The following PRRC2C variants were observed in gnomAD, a reference collection of about 807,000 sequenced individuals.
PRRC2C encodes proline rich coiled-coil 2C.
In PRRC2C, 72 loss-of-function variants were observed where a neutral mutation model predicts 317.2. The observed-to-expected ratio is 0.23, with a 90% CI of 0.19 to 0.28. The LOEUF (loss-of-function observed/expected upper bound fraction) is 0.28, where lower values mean the gene tolerates loss of function less well. PRRC2C is among the 10% of genes least tolerant of loss of function. The pLI is 1.00. For missense variants in PRRC2C, 3,074 were observed against 3,459.7 expected, an observed-to-expected ratio of 0.89 and a Z score of 2.80; for synonymous variants, 1,296 against 1,205.9, an observed-to-expected ratio of 1.07 and a Z score of -1.55.
chr1:171,487,936 C>A (rs1020896008), intron 1 of PRRC2C, among the ~76,000 whole-genome samples: 1 of 152,114 alleles, frequency 6.6e-6, no homozygotes, highest in African/African-American at 2.4e-5. Flanking sequence ...TGCTTCTTAG[C>A]GATTTCTTTA....
intron 24 of PRRC2C, among the ~76,000 whole-genome samples, chr1:171,573,673 CTTTTTTTTTTTTTT>C (rs1024285954): frequency 5.8e-5 from 5 of 85,810 alleles, no homozygotes; most frequent in Non-Finnish European, 8.3e-5. Flanking sequence ...TCTCAAAATT[CTTTTTTTTTTTTTT>C]TTTTTTTTTG....
At chr1:171,571,694 A>T (rs1385530877) in intron 24 of PRRC2C, among the ~76,000 whole-genome samples, 1 of 152,162 alleles carries the variant, frequency 6.6e-6, no homozygotes, top group East Asian at 1.9e-4. Flanking sequence ...GTTTGTGTTA[A>T]GTTCCTCCCA....
chr1:171,577,327 G>A lies in PRRC2C; in HGVS notation c.6956-107G>A, dbSNP rs1018333642. Reference sequence around the variant, plus strand: ...TTGGCCTGAAGCAGTATATAAGTACGTGATGGGTAGAAACATTAATTTTGC... The same window carrying A: ...TTGGCCTGAAGCAGTATATAAGTACATGATGGGTAGAAACATTAATTTTGC... On this transcript the variant is annotated intron_variant, in intron 25 of 34. Coordinates refer to ENST00000647382, the MANE Select transcript of PRRC2C (RefSeq NM_001387844.1). The A allele has an allele frequency of 4.2e-5, 40 of 950,886 alleles. No individual in the cohort carries two copies. In the South Asian group the frequency reaches 4.8e-4, roughly 11 times the overall value. The allele number at this position is 950,886 out of a possible 1,614,324, so 58.9% of individuals were successfully genotyped here.
chr1:171,584,278 A>G, intron 29 of PRRC2C, 91 bp downstream of exon 29: 1 of 1,383,242 alleles, frequency 7.2e-7, no homozygotes, highest in Non-Finnish European at 9.9e-7. Context: ...AACATGTTAG[A>G]AGATGCAATG....
At chr1:171,590,592 T>C (rs894796053) in intron 34 of PRRC2C, among the ~76,000 whole-genome samples, 1 of 152,216 alleles carries the variant, frequency 6.6e-6, no homozygotes, top group Non-Finnish European at 1.5e-5. Flanking sequence ...GATTAAAGTG[T>C]CTTTTTGGGT....
chr1:171,555,231 C>G (rs1230882928), intron 18 of PRRC2C, among the ~76,000 whole-genome samples: 1 of 152,180 alleles, frequency 6.6e-6, no homozygotes. Context: ...GTCACTGATA[C>G]ACTTTCTTCC....
chr1:171,505,474 T>C (rs947724159), intron 1 of PRRC2C, among the ~76,000 whole-genome samples: 5 of 152,348 alleles, frequency 3.3e-5, no homozygotes, highest in South Asian at 4.1e-4. Context: ...TTTTAAGATA[T>C]CAGATTTTCT....
chr1:171,590,758 T>TTC (rs1558066172), intron 34 of PRRC2C, among the ~76,000 whole-genome samples: 2 of 152,326 alleles, frequency 1.3e-5, no homozygotes, highest in East Asian at 3.9e-4. Flanking sequence ...GTAAAAATCT[T>TTC]AGGAAGTTAT....
In PRRC2C at chr1:171,542,603, G is replaced by A. The variant is rs144404266; in HGVS notation, c.4763+374G>A. Among the ~76,000 whole-genome samples the A allele has an allele frequency of 2.2e-3, 337 of 152,276 alleles. 1 individual carries two copies. The highest frequency in any genetic ancestry group is 7.8e-3 in the African/African-American group (326 of 41,542). ...CTAATGCTACACAGGTGTCCTCTGA[G>A]ATTTAAATTAATGTTATAACCATAT... On this transcript the variant is annotated intron_variant, in intron 16 of 34. Transcript: ENST00000647382.
chr1:171,490,933 GT>G (rs1294485484), intron 1 of PRRC2C, among the ~76,000 whole-genome samples: 2 of 152,248 alleles, frequency 1.3e-5, no homozygotes, highest in East Asian at 3.9e-4. Context: ...CCTGGCTTAA[GT>G]TTTAAATATA....
chr1:171,515,838 G>C lies in PRRC2C; in HGVS notation c.505G>C (p.Gly169Arg). 1 of 1,604,660 alleles carries C rather than the reference G, an allele frequency of 6.2e-7. No individual in the cohort carries two copies. The change falls in exon 5 of 35, where the codon GGA becomes CGA. Residue 169 changes from glycine to arginine, a missense_variant. By Grantham distance (125) the Gly-to-Arg change is moderately radical. Transcript: ENST00000647382. ...KETNDDNYGP[G>R]PSLRPPNVAC... ...AACAAATGATGACAACTATGGACCT[G>C]GACCCAGTTTACGTCCACCAAGTAA...
chr1:171,499,351 A>G (rs879706232), intron 1 of PRRC2C, among the ~76,000 whole-genome samples: 1 of 152,230 alleles, frequency 6.6e-6, no homozygotes, highest in Non-Finnish European at 1.5e-5. Context: ...CCAACAGGAA[A>G]TGTAAGTGAT....
chr1:171,574,998 AG>A lies in PRRC2C; in HGVS notation c.6826del (p.Ala2276HisfsTer53). On this transcript the variant is annotated frameshift_variant, in exon 25 of 35. Transcript: ENST00000647382. LOFTEE classifies it high-confidence loss of function. ...AAAAGGGGTCTCCAGTAACTTCCAC[AG>A]CACCTCCAATTGCAACTGGAGTCAG... ...REKGSPVTST[A>X]PPIATGVSSS... is the part of the protein sequence containing the mutation. The A allele has an allele frequency of 6.2e-7, 1 of 1,613,916 alleles. No individual in the cohort carries two copies. The highest frequency in any genetic ancestry group is 8.5e-7 in the Non-Finnish European group (1 of 1,179,856).
chr1:171,492,479 C>G (rs988579192), intron 1 of PRRC2C, among the ~76,000 whole-genome samples: 2 of 152,076 alleles, frequency 1.3e-5, no homozygotes, highest in African/African-American at 2.4e-5. Flanking sequence ...ATCTCTTGAG[C>G]CCAGGAGTTG....
At chr1:171,573,191 A>G (rs980261337) in intron 24 of PRRC2C, among the ~76,000 whole-genome samples, 3 of 152,222 alleles carry the variant, frequency 2.0e-5, no homozygotes, top group Non-Finnish European at 4.4e-5. Flanking sequence ...CATCATTGAC[A>G]AAATATGAAA....
rs554982508 is a variant in PRRC2C, at chr1:171,536,510, G to A, written c.2293+232G>A. ...TTTGTAAGTATTATTTAAAACTTCA[G>A]ATGGAAATAATTATGTGTTATTAAC... is the stretch of plus-strand genomic sequence containing the variant. On this transcript the variant is annotated intron_variant, in intron 14 of 34. Transcript: ENST00000647382. Among the ~76,000 whole-genome samples the A allele has an allele frequency of 2.0e-5, 3 of 152,266 alleles. No homozygotes were observed. In the South Asian group the frequency reaches 6.2e-4, roughly 32 times the overall value.
intron 20 of PRRC2C, among the ~76,000 whole-genome samples, chr1:171,565,777 C>T (rs1482222021): frequency 6.6e-6 from 1 of 152,154 alleles, no homozygotes; most frequent in Non-Finnish European, 1.5e-5. Flanking sequence ...GGATTGATTG[C>T]TTAGATGTTT....
chr1:171,568,363 G>A (rs527624336), intron 23 of PRRC2C, 24 bp downstream of exon 23: 1 of 1,576,172 alleles, frequency 6.3e-7, no homozygotes, highest in Admixed American at 1.8e-5. Flanking sequence ...TTGAGATGTG[G>A]CAAGTTTGGA....
At chr1:171,507,402 G>T (rs1047094325) in intron 1 of PRRC2C, among the ~76,000 whole-genome samples, 2 of 152,092 alleles carry the variant, frequency 1.3e-5, no homozygotes, top group Non-Finnish European at 2.9e-5. Flanking sequence ...CCTGAGATCA[G>T]GAGTTCAAGA....
Sources: gnomAD v4.1 joint callset for allele counts (sites outside exome capture counted in the v4.1 genomes callset) on GRCh38, gnomAD v4.1.1 for gene constraint, MANE v1.5 for transcripts, NCBI Gene and HGNC (gene_info 2026-07-23, HGNC 2026-07-21) for gene names.